Variants in STXBP5 observed in about 807,000 individuals in gnomAD.
The protein encoded by STXBP5 is syntaxin-binding protein 5.
In STXBP5, 50 loss-of-function variants were observed where a neutral mutation model predicts 152.4. The ratio of observed to expected loss-of-function variants is 0.33; its 90% CI spans 0.26 to 0.42. The LOEUF (loss-of-function observed/expected upper bound fraction) is 0.42, where lower values mean the gene tolerates loss of function less well. STXBP5 is among the 10% of genes least tolerant of loss of function. STXBP5 has a pLI of 1.00. For synonymous variants in STXBP5, 492 were observed against 494.7 expected (o/e 0.99, Z 0.07); for missense variants, 1,167 against 1,388.6 (o/e 0.84, Z 2.54).
At chr6:147,235,383 C>G (rs1778220363) in intron 3 of STXBP5, 52 bp downstream of exon 3, 3 of 1,428,220 alleles carry the variant, frequency 2.1e-6, no homozygotes, top group East Asian at 4.6e-5. Flanking sequence ...AGGGCCACTT[C>G]TAGTCTTTCA....
rs559119896 is a variant in STXBP5, at chr6:147,382,450, A to G, written c.3194-328A>G. ...AAATATCTTTCGTTTTTTGCACAAA[A>G]GAGCAGTTTTTGCCATTATGTAATT... On this transcript the variant is annotated intron_variant, in intron 26 of 27. Transcript: ENST00000321680. Among the ~76,000 whole-genome samples, 3 of 152,252 alleles carry G rather than the reference A, an allele frequency of 2.0e-5. No individual in the cohort carries two copies. The South Asian group carries it at 6.2e-4, about 32-fold the overall frequency.
chr6:147,353,368 AT>A lies in STXBP5; in HGVS notation c.2303del (p.Leu768Ter). ...KLSLPTDLKP[D>X]LDVKDNSFSR... ...AGCTTACCTACTGACCTAAAGCCTG[AT>A]TTAGGTAAGTAAAATAAATATTCAA... is the stretch of plus-strand genomic sequence containing the variant. On this transcript the variant is annotated frameshift_variant, in exon 22 of 28. Transcript: ENST00000321680. LOFTEE classifies it high-confidence loss of function. 6.4e-7 allele frequency: 1 copy of A among 1,570,612 alleles called. No homozygotes were observed. Among genetic ancestry groups the A allele is most frequent in the South Asian group, 1.2e-5 (1 of 82,890 alleles).
At chr6:147,265,050 A>G (rs192047366) in intron 6 of STXBP5, among the ~76,000 whole-genome samples, 21 of 152,160 alleles carry the variant, frequency 1.4e-4, no homozygotes, top group Non-Finnish European at 2.4e-4. Context: ...GTGTATATCA[A>G]CCCTTACATT....
chr6:147,225,797 T>G (rs1777680267), intron 2 of STXBP5, among the ~76,000 whole-genome samples: 1 of 152,050 alleles, frequency 6.6e-6, no homozygotes, highest in Non-Finnish European at 1.5e-5. Context: ...CAGGGAAAAA[T>G]AAGCAATAAG....
chr6:147,290,736 A>G (rs964815677), intron 8 of STXBP5, among the ~76,000 whole-genome samples: 1 of 152,132 alleles, frequency 6.6e-6, no homozygotes, highest in Non-Finnish European at 1.5e-5. Flanking sequence ...ATGTAGATTT[A>G]TTTTTCTCAA....
At chr6:147,299,110 A>G (rs903742960) in intron 9 of STXBP5, among the ~76,000 whole-genome samples, 1 of 151,976 alleles carries the variant, frequency 6.6e-6, no homozygotes, top group African/African-American at 2.4e-5. Flanking sequence ...GTTAAAATCA[A>G]ACCTTTAGTA....
chr6:147,333,855 A>G (rs543756266), intron 18 of STXBP5, among the ~76,000 whole-genome samples: 2 of 152,326 alleles, frequency 1.3e-5, no homozygotes, highest in East Asian at 3.9e-4. Context: ...TAATGTTTAG[A>G]CAATTTGCAG....
chr6:147,310,244 C>A lies in STXBP5; in HGVS notation c.1072+6C>A. On this transcript the variant is annotated splice_donor_region_variant and intron_variant, in intron 10 of 27. Coordinates refer to ENST00000321680, the MANE Select transcript of STXBP5 (RefSeq NM_001127715.4). Reference sequence around the variant, plus strand: ...TGAAACACCATACCCAAATGGTAAGCTTTGCAACTTTAAAGCTCATTCTCT... The same window carrying A: ...TGAAACACCATACCCAAATGGTAAGATTTGCAACTTTAAAGCTCATTCTCT... 1 of 1,537,318 alleles carries A rather than the reference C, an allele frequency of 6.5e-7. No homozygotes were observed.
intron 4 of STXBP5, among the ~76,000 whole-genome samples, chr6:147,259,482 A>G (rs1321320595): frequency 6.6e-6 from 1 of 152,208 alleles, no homozygotes; most frequent in African/African-American, 2.4e-5. Flanking sequence ...GATGAAGCTT[A>G]AGTAATTATC....
At chr6:147,334,062 A>G in intron 18 of STXBP5, 95 bp from the exon 19 acceptor site, 1 of 1,219,290 alleles carries the variant, frequency 8.2e-7, no homozygotes. Context: ...GGGTTCTTTT[A>G]AATGGACAGT....
chr6:147,305,073 T>C (rs1009427345), intron 9 of STXBP5, among the ~76,000 whole-genome samples: 1 of 152,194 alleles, frequency 6.6e-6, no homozygotes, highest in African/African-American at 2.4e-5. Context: ...ATTTTTGTGC[T>C]AGGCTAGTGT....
intron 6 of STXBP5, among the ~76,000 whole-genome samples, chr6:147,264,587 C>T (rs936105278): frequency 5.9e-5 from 9 of 151,952 alleles, no homozygotes; most frequent in East Asian, 1.9e-4. Context: ...TGGTTATATA[C>T]GTTGTAGAGA....
chr6:147,269,775 G>A (rs1382813007), intron 7 of STXBP5, among the ~76,000 whole-genome samples: 1 of 152,096 alleles, frequency 6.6e-6, no homozygotes. Context: ...AGCAGTAGAA[G>A]CTACTTGATG....
rs377042710 is a variant in STXBP5, at chr6:147,308,248, T to A, written c.918-1836T>A. ...ATATGTGATAAAAAGTGGAAGAAAA[T>A]CAAATATACTTTCCTGAGCACGGTC... On this transcript the variant is annotated intron_variant, in intron 9 of 27. Transcript: ENST00000321680. Among the ~76,000 whole-genome samples the A allele has an allele frequency of 2.0e-5, 3 of 152,126 alleles. No homozygotes were observed. In the East Asian group the frequency reaches 5.8e-4, roughly 29 times the overall value.
At chr6:147,213,404 C>T (rs1408367856) in intron 2 of STXBP5, among the ~76,000 whole-genome samples, 1 of 146,858 alleles carries the variant, frequency 6.8e-6, no homozygotes, top group African/African-American at 2.6e-5. Context: ...CAGATGTGAG[C>T]CACCTCACCT....
intron 27 of STXBP5, among the ~76,000 whole-genome samples, chr6:147,384,207 C>T (rs747613332): frequency 7.9e-5 from 12 of 152,084 alleles, no homozygotes; most frequent in Admixed American, 2.6e-4. Context: ...AGTTTCACTA[C>T]TGCATTACCT....
chr6:147,342,950 T>A (rs955715023), intron 21 of STXBP5, among the ~76,000 whole-genome samples: 1 of 152,148 alleles, frequency 6.6e-6, no homozygotes, highest in Non-Finnish European at 1.5e-5. Context: ...GTCTGTGACC[T>A]GGCCTATATC....
intron 11 of STXBP5, 88 bp from the exon 12 acceptor site, chr6:147,313,794 ATG>A (rs1301920815): frequency 7.5e-6 from 6 of 802,712 alleles, no homozygotes; most frequent in African/African-American, 3.5e-5. Context: ...CTATGATAGA[ATG>A]TATGTTTTTT....
At chr6:147,281,915 G>C (rs1054337539) in intron 8 of STXBP5, among the ~76,000 whole-genome samples, 4 of 152,124 alleles carry the variant, frequency 2.6e-5, no homozygotes, top group African/African-American at 9.7e-5. Flanking sequence ...ACATTTTTGA[G>C]CCTTAATATT....
Sources: allele counts gnomAD v4.1 joint callset (sites outside exome capture counted in the v4.1 genomes callset), GRCh38; gene constraint gnomAD v4.1.1; transcripts MANE v1.5; gene names NCBI Gene and HGNC (gene_info 2026-07-23, HGNC 2026-07-21).